The following TEX35 variants were observed in gnomAD, a reference collection of about 807,000 sequenced individuals.
The protein encoded by TEX35 is testis-expressed protein 35.
A neutral mutation model predicts 31.9 loss-of-function variants in TEX35; 26 were observed. The observed-to-expected ratio is 0.81, with a 90% CI of 0.60 to 1.13. The LOEUF (loss-of-function observed/expected upper bound fraction) is 1.13, where lower values mean the gene tolerates loss of function less well. Among genes scored for constraint, TEX35 ranks in the 50% most tolerant of loss-of-function variants. The probability of loss-of-function intolerance (pLI) is 0.00; values close to 1 mark genes in which losing one functional copy is unlikely to be tolerated. For missense variants in TEX35, 278 were observed against 273.5 expected, an observed-to-expected ratio of 1.02 and a Z score of -0.12; for synonymous variants, 87 against 90.7, an observed-to-expected ratio of 0.96 and a Z score of 0.23.
Position 178,514,729 on chromosome 1 carries a change from A to G in TEX35, c.120A>G (p.Glu40=). The change falls in exon 3 of 9, where the codon GAA becomes GAG. Residue 40 remains glutamate, a synonymous_variant. Coordinates refer to ENST00000319416, the MANE Select transcript of TEX35 (RefSeq NM_032126.5). Reference sequence around the variant, plus strand: ...TTGATTACAAAGCAGTTAAACAAGAAGGGCGGTTTACCAAAGCAGGAGTGA... The same window carrying G: ...TTGATTACAAAGCAGTTAAACAAGAGGGGCGGTTTACCAAAGCAGGAGTGA... ...KTFDYKAVKQ[E]GRFTKAGVTQ... is the part of the protein sequence containing the mutation. The G allele has an allele frequency of 4.3e-6, 7 of 1,614,038 alleles. No individual in the cohort carries two copies. In the Middle Eastern group the frequency reaches 1.2e-3, roughly 266 times the overall value.
chr1:178,514,598 C>A (rs894966108), intron 2 of TEX35, 102 bp from the exon 3 acceptor site: 3 of 1,165,088 alleles, frequency 2.6e-6, no homozygotes, highest in Non-Finnish European at 2.5e-6. Flanking sequence ...CTTGCCTTAG[C>A]CCTAAGGGAG....
chr1:178,520,697 G>A lies in TEX35; in HGVS notation c.366G>A (p.Glu122=), dbSNP rs1650237210. ...GTCCCCTTAGAAGAGCACCAAAGGA[G>A]CAGCAGGAACTCAGGCTGATGGGAA... ...YKLPLRRAPK[E]QQELRLMGKT... Residue 122 remains glutamate, a synonymous_variant, in exon 7 of 9, where the codon GAG becomes GAA. Transcript: ENST00000319416. The A allele has an allele frequency of 3.1e-6, 5 of 1,614,054 alleles. No individual in the cohort carries two copies. The highest frequency in any genetic ancestry group is 3.4e-6 in the Non-Finnish European group (4 of 1,179,998).
intron 5 of TEX35, 51 bp from the exon 6 acceptor site, chr1:178,520,321 T>C (rs752486799): frequency 3.8e-6 from 6 of 1,573,612 alleles, no homozygotes; most frequent in Non-Finnish European, 5.2e-6. Flanking sequence ...GAGGAAGGTA[T>C]TTCCAAAGTC....
chr1:178,517,568 A>C (rs1650126467), intron 5 of TEX35, among the ~76,000 whole-genome samples: 1 of 152,190 alleles, frequency 6.6e-6, no homozygotes, highest in Non-Finnish European at 1.5e-5. Context: ...CCTCATAACG[A>C]TTAAGTCAGA....
At chr1:178,522,722 A>G, downstream of TEX35, 2 of 1,038,684 alleles carry the variant, frequency 1.9e-6, no homozygotes, top group Non-Finnish European at 2.4e-6. Context: ...TATGGGGTAC[A>G]TGAGATGTTT....
chr1:178,515,007 G>A (rs1475417304), intron 3 of TEX35, among the ~76,000 whole-genome samples: 2 of 152,224 alleles, frequency 1.3e-5, no homozygotes, highest in Non-Finnish European at 2.9e-5. Flanking sequence ...TTCTGGTCTA[G>A]GGTCTGATCC....
chr1:178,515,748 G>T, intron 3 of TEX35, 111 bp from the exon 4 acceptor site: 2 of 826,358 alleles, frequency 2.4e-6, no homozygotes, highest in Non-Finnish European at 2.0e-6. Context: ...CCTCCCTATT[G>T]AAAGCTTTTC....
downstream of TEX35, chr1:178,523,360 G>C (rs547872785): frequency 5.9e-6 from 4 of 678,994 alleles, no homozygotes; most frequent in Non-Finnish European, 1.1e-5. Flanking sequence ...AGTTTTTTGA[G>C]GAACAACCTC....
intron 8 of TEX35, chr1:178,521,942 C>A: frequency 1.8e-6 from 2 of 1,117,408 alleles, no homozygotes; most frequent in African/African-American, 1.6e-5. Flanking sequence ...TGGGAAATTA[C>A]ATCTTAGTCA....
downstream of TEX35, chr1:178,522,774 TG>T: frequency 5.7e-6 from 3 of 522,314 alleles, no homozygotes; most frequent in Non-Finnish European, 7.7e-6. Context: ...CCATGGAGAA[TG>T]GGGTATCCAT....
chr1:178,519,017 G>A (rs769532645), intron 5 of TEX35, among the ~76,000 whole-genome samples: 1 of 152,152 alleles, frequency 6.6e-6, no homozygotes, highest in Non-Finnish European at 1.5e-5. Context: ...GACAAGCTAG[G>A]ACTTGGTTCT....
At chr1:178,522,103 C>T (rs1299132702) in intron 8 of TEX35, 4 of 697,198 alleles carry the variant, frequency 5.7e-6, no homozygotes, top group African/African-American at 5.4e-5. Flanking sequence ...CCGCTCCCTC[C>T]ACATAATCAG....
At chr1:178,513,293 C>G in intron 1 of TEX35, 66 bp downstream of exon 1, 1 of 1,588,316 alleles carries the variant, frequency 6.3e-7, no homozygotes, top group Non-Finnish European at 8.6e-7. Flanking sequence ...GAGATGGTGT[C>G]GGGGCAAGGG....
intron 5 of TEX35, among the ~76,000 whole-genome samples, chr1:178,519,227 C>T (rs150986572): frequency 1.3e-5 from 2 of 151,818 alleles, no homozygotes; most frequent in Non-Finnish European, 2.9e-5. Context: ...GAAAGATGCA[C>T]TGAGGGAAAA....
Position 178,514,716 on chromosome 1 carries a change from C to T in TEX35, c.107C>T (p.Ala36Val). ...AATCCACAGACATTTGATTACAAAG[C>T]AGTTAAACAAGAAGGGCGGTTTACC... ...PEPTKTFDYK[A>V]VKQEGRFTKA... Residue 36 changes from alanine to valine, a missense_variant, in exon 3 of 9, where the codon GCA (alanine) becomes GTA (valine). Transcript: ENST00000319416. The T allele has an allele frequency of 6.2e-7, 1 of 1,614,016 alleles. No individual in the cohort carries two copies. The highest frequency in any genetic ancestry group is 8.5e-7 in the Non-Finnish European group (1 of 1,179,972).
intron 5 of TEX35, 77 bp downstream of exon 5, chr1:178,516,751 C>T: frequency 1.0e-6 from 1 of 963,356 alleles, no homozygotes; most frequent in South Asian, 1.7e-5. Flanking sequence ...AGACCCTGCC[C>T]TCCAGGAGCT....
chr1:178,514,237 A>AT, intron 2 of TEX35, 160 bp downstream of exon 2: 1 of 1,542,698 alleles, frequency 6.5e-7, no homozygotes, highest in Non-Finnish European at 8.8e-7. Flanking sequence ...TCACACTGTA[A>AT]CCAATCAGAT....
chr1:178,520,917 CT>C, intron 7 of TEX35, 43 bp downstream of exon 7: 3 of 1,608,346 alleles, frequency 1.9e-6, no homozygotes, highest in Non-Finnish European at 2.5e-6. Flanking sequence ...TGCCAGACCC[CT>C]GGCTCCGGCT....
At chr1:178,521,722 T>C in intron 8 of TEX35, 2 of 1,551,794 alleles carry the variant, frequency 1.3e-6, no homozygotes, top group South Asian at 2.4e-5. Flanking sequence ...CCAAGCTCCT[T>C]AAGATGCACA....
Sources: allele counts gnomAD v4.1 joint callset (sites outside exome capture counted in the v4.1 genomes callset), GRCh38; gene constraint gnomAD v4.1.1; transcripts MANE v1.5; gene names NCBI Gene and HGNC (gene_info 2026-07-23, HGNC 2026-07-21).